GPC5: variants seen among roughly 807,000 people sequenced by gnomAD.
The protein encoded by GPC5 is glypican-5.
A neutral mutation model predicts 53.9 loss-of-function variants in GPC5; 47 were observed. That is an observed-to-expected ratio of 0.87 (90% CI 0.69 to 1.11). GPC5 has a LOEUF of 1.11. Ranked by LOEUF, GPC5 falls within the 50% of genes most tolerant of loss-of-function variation. GPC5 has a pLI of 0.00. For synonymous variants in GPC5, 286 were observed against 263.3 expected, an observed-to-expected ratio of 1.09 and a Z score of -0.84; for missense variants, 748 against 713.1, an observed-to-expected ratio of 1.05 and a Z score of -0.56.
At chr13:91,684,498 A>G (rs913645336) in intron 2 of GPC5, among the ~76,000 whole-genome samples, 27 of 152,116 alleles carry the variant, frequency 1.8e-4, no homozygotes, top group Non-Finnish European at 5.9e-5. Context: ...TTTATCCTTC[A>G]TTTATCCATT....
chr13:92,623,897 C>T (rs1008525723), intron 7 of GPC5, among the ~76,000 whole-genome samples: 7 of 152,050 alleles, frequency 4.6e-5, no homozygotes, highest in Admixed American at 2.6e-4. Context: ...TGCTCTTGCC[C>T]AGGCCGGAGT....
At chr13:91,541,326 T>C (rs1237930408) in intron 2 of GPC5, among the ~76,000 whole-genome samples, 1 of 152,172 alleles carries the variant, frequency 6.6e-6, no homozygotes, top group African/African-American at 2.4e-5. Flanking sequence ...TTTGGTTAAT[T>C]TCTTTGGTCA....
At chr13:91,826,210 T>C (rs2038573833) in intron 5 of GPC5, among the ~76,000 whole-genome samples, 1 of 151,700 alleles carries the variant, frequency 6.6e-6, no homozygotes, top group African/African-American at 2.4e-5. Context: ...ACATGTTGCA[T>C]TTAGCAGATA....
At chr13:91,762,254 CT>C (rs1191020327) in intron 5 of GPC5, among the ~76,000 whole-genome samples, 3 of 151,690 alleles carry the variant, frequency 2.0e-5, no homozygotes, top group Admixed American at 6.6e-5. Flanking sequence ...CCAATTCTCA[CT>C]TTTCTTTCCA....
At chr13:91,977,963 G>T in intron 6 of GPC5, among the ~76,000 whole-genome samples, 1 of 139,324 alleles carries the variant, frequency 7.2e-6, no homozygotes, top group Non-Finnish European at 1.5e-5. Context: ...AAAAAAGAAA[G>T]AAAGAAAGAA....
intron 2 of GPC5, among the ~76,000 whole-genome samples, chr13:91,604,543 G>T (rs2033293529): frequency 7.1e-6 from 1 of 140,996 alleles, no homozygotes; most frequent in Non-Finnish European, 1.5e-5. Context: ...CTTCCACAAT[G>T]GTTGAACTAG....
At chr13:92,627,565 T>G (rs906753937) in intron 7 of GPC5, among the ~76,000 whole-genome samples, 1 of 152,214 alleles carries the variant, frequency 6.6e-6, no homozygotes, top group South Asian at 2.1e-4. Context: ...ACATATTTAC[T>G]GTAATTCATA....
chr13:91,399,020 C>A lies in GPC5; in HGVS notation c.-27C>A. 4 of 1,535,014 alleles carry A rather than the reference C, an allele frequency of 2.6e-6. No homozygotes were observed. The highest frequency in any genetic ancestry group is 3.5e-6 in the Non-Finnish European group (4 of 1,136,946). On this transcript the variant is annotated 5_prime_UTR_variant, in exon 1 of 8. Transcript: ENST00000377067. ...GCGCAGGGCGAGTGGGGTCCACTGG[C>A]GGGTAAAGGGGACCAGGACGGCGAG...
At chr13:92,735,924 G>A (rs1190896008) in intron 7 of GPC5, among the ~76,000 whole-genome samples, 2 of 152,002 alleles carry the variant, frequency 1.3e-5, no homozygotes, top group African/African-American at 2.4e-5. Context: ...TCTGTATACA[G>A]CAATGTTGTA....
chr13:92,160,615 G>T (rs1191164222), intron 7 of GPC5, among the ~76,000 whole-genome samples: 5 of 152,110 alleles, frequency 3.3e-5, no homozygotes, highest in African/African-American at 4.8e-5. Context: ...GATGAAATTT[G>T]GCATTGAGTC....
intron 5 of GPC5, among the ~76,000 whole-genome samples, chr13:91,766,106 ATC>A (rs2037517871): frequency 6.6e-6 from 1 of 152,244 alleles, no homozygotes; most frequent in Non-Finnish European, 1.5e-5. Context: ...ACATAAGTCC[ATC>A]TCTCATGTAG....
intron 7 of GPC5, among the ~76,000 whole-genome samples, chr13:92,736,760 A>G (rs1888945817): frequency 6.6e-6 from 1 of 151,814 alleles, no homozygotes; most frequent in African/African-American, 2.4e-5. Context: ...TTTCATTTAA[A>G]TGAGAACAGG....
chr13:92,551,406 GAA>G (rs11289392), intron 7 of GPC5, among the ~76,000 whole-genome samples: 149 of 150,482 alleles, frequency 9.9e-4, no homozygotes, highest in African/African-American at 3.4e-3. Flanking sequence ...ATTTTCAAAG[GAA>G]AAAAAAAATC....
intron 1 of GPC5, among the ~76,000 whole-genome samples, chr13:91,410,390 G>C (rs1039587326): frequency 3.8e-5 from 5 of 131,008 alleles, no homozygotes; most frequent in Non-Finnish European, 7.7e-5. Context: ...CTGTCGCCCA[G>C]GCTGGAGTGC....
chr13:92,471,138 T>C (rs1878894900), intron 7 of GPC5, among the ~76,000 whole-genome samples: 1 of 152,128 alleles, frequency 6.6e-6, no homozygotes, highest in African/African-American at 2.4e-5. Context: ...GAAGGGGATG[T>C]GGACATGAGA....
chr13:91,537,176 A>C (rs1038666268), intron 2 of GPC5, among the ~76,000 whole-genome samples: 4 of 152,298 alleles, frequency 2.6e-5, no homozygotes, highest in African/African-American at 4.8e-5. Flanking sequence ...GTACAGAAGA[A>C]AAGACGTAAT....
chr13:92,723,962 C>T (rs73623320), intron 7 of GPC5, among the ~76,000 whole-genome samples: 13 of 151,394 alleles, frequency 8.6e-5, no homozygotes, highest in South Asian at 4.2e-4. Context: ...CTGTTTTTTG[C>T]GTTTCAGAAA....
At chr13:92,658,960 G>T (rs1401738838) in intron 7 of GPC5, 3 of 111,014 alleles carry the variant, frequency 2.7e-5, no homozygotes, top group Non-Finnish European at 3.4e-5. Context: ...ACGGAGTCTC[G>T]CTCTGTCGCC....
chr13:92,442,952 C>A (rs955680866), intron 7 of GPC5, among the ~76,000 whole-genome samples: 1 of 152,082 alleles, frequency 6.6e-6, no homozygotes, highest in African/African-American at 2.4e-5. Context: ...AATAGATATG[C>A]AACTGTGTTA....
Sources: allele counts gnomAD v4.1 joint callset (sites outside exome capture counted in the v4.1 genomes callset), GRCh38; gene constraint gnomAD v4.1.1; transcripts MANE v1.5; gene names NCBI Gene and HGNC (gene_info 2026-07-23, HGNC 2026-07-21).